The following MYO7A variants were observed in gnomAD, a reference collection of about 807,000 sequenced individuals.
MYO7A encodes myosin VIIA.
In MYO7A, 210 loss-of-function variants were observed where a neutral mutation model predicts 263.8. That is an observed-to-expected ratio of 0.80 (90% CI 0.71 to 0.89). MYO7A has a LOEUF of 0.89. Ranked by LOEUF, MYO7A falls within the 40% of genes least tolerant of loss-of-function variation. The probability of loss-of-function intolerance (pLI) is 0.00; values close to 1 mark genes in which losing one functional copy is unlikely to be tolerated. For synonymous variants in MYO7A, 1,239 were observed against 1,197.3 expected (o/e 1.03, Z -0.72); for missense variants, 2,820 against 2,968.3 (o/e 0.95, Z 1.16).
chr11:77,148,578 C>G (rs1402320369), intron 4 of MYO7A, among the ~76,000 whole-genome samples: 11 of 152,154 alleles, frequency 7.2e-5, no homozygotes, highest in Middle Eastern at 3.2e-3. Context: ...CCGTGGAGAT[C>G]ATTTACTCTA....
At chr11:77,159,298 G>A (rs1320657986) in intron 9 of MYO7A, 149 bp from the exon 10 acceptor site, 1 of 668,966 alleles carries the variant, frequency 1.5e-6, no homozygotes, top group Non-Finnish European at 2.6e-6. Flanking sequence ...ACCTTGACCT[G>A]GGGAAGCATT....
chr11:77,130,566 T>G, intron 1 of MYO7A, 23 bp from the exon 2 acceptor site: 1 of 1,589,192 alleles, frequency 6.3e-7, no homozygotes, highest in Non-Finnish European at 8.6e-7. Context: ...CCCAGAAGCA[T>G]GACATGGTCT....
Position 77,201,622 on chromosome 11 carries a change from C to T in MYO7A, c.5027C>T (p.Pro1676Leu). The change falls in exon 36 of 49, where the codon CCA becomes CTA. Residue 1676 changes from proline to leucine, a missense_variant. Physicochemically the swap from Pro to Leu is moderately conservative, Grantham distance 98. Coordinates refer to ENST00000409709, the MANE Select transcript of MYO7A (RefSeq NM_000260.4). ...SVYVMPTVTMPPREIVALVTM... is the reference protein window; with the variant it reads ...SVYVMPTVTMLPREIVALVTM... Reference sequence around the variant, plus strand: ...TACGTCATGCCCACTGTCACCATGCCACCGCGGGAGATTGTGGTATGTGGC... The same window carrying T: ...TACGTCATGCCCACTGTCACCATGCTACCGCGGGAGATTGTGGTATGTGGC... 6.2e-7 allele frequency: 1 copy of T among 1,613,496 alleles called. No homozygotes were observed. The highest frequency in any genetic ancestry group is 8.5e-7 in the Non-Finnish European group (1 of 1,179,580).
intron 16 of MYO7A, among the ~76,000 whole-genome samples, chr11:77,173,176 A>G (rs1954291378): frequency 6.6e-6 from 1 of 152,202 alleles, no homozygotes; most frequent in Non-Finnish European, 1.5e-5. Flanking sequence ...CAGTTTCCTC[A>G]TAGATGGAAA....
chr11:77,197,451 T>TTCTGTCCC, intron 32 of MYO7A, 30 bp from the exon 33 acceptor site: 5 of 1,505,290 alleles, frequency 3.3e-6, no homozygotes, highest in African/African-American at 1.4e-5. Flanking sequence ...GTATGTTGTC[T>TTCTGTCCC]TCTGTCCCTC....
rs377072368 is a variant in MYO7A at position 77,181,416 on chromosome 11, C to T, written c.2731C>T (p.Arg911Trp). The T allele has an allele frequency of 1.1e-5, 17 of 1,586,912 alleles. No homozygotes were observed. The highest frequency in any genetic ancestry group is 6.9e-5 in the East Asian group (3 of 43,654). Residue 911 changes from arginine (R) to tryptophan (W), a missense_variant, in exon 23 of 49, where the codon CGG becomes TGG. Transcript: ENST00000409709. ...LAQLAREDAE[R>W]ELKEKEAARR... ...CCAGCTGGCTCGTGAGGACGCTGAG[C>T]GGGAGCTGAAGGAGAAGGAGGCCGC...
At chr11:77,205,189 G>A (rs553777685) in intron 39 of MYO7A, among the ~76,000 whole-genome samples, 5 of 152,356 alleles carry the variant, frequency 3.3e-5, no homozygotes, top group East Asian at 3.9e-4. Context: ...TTTTCATTGT[G>A]GCATAAGCCC....
chr11:77,159,413 C>G (rs1952781649), intron 9 of MYO7A, 34 bp from the exon 10 acceptor site: 1 of 1,312,826 alleles, frequency 7.6e-7, no homozygotes, highest in Non-Finnish European at 1.1e-6. Flanking sequence ...GCCCACCCTC[C>G]CTCCCCTGAT....
intron 44 of MYO7A, 170 bp downstream of exon 44, chr11:77,208,973 T>A: frequency 1.6e-6 from 1 of 610,646 alleles, no homozygotes; most frequent in East Asian, 2.8e-5. Context: ...CAACCCCTGA[T>A]CCTTGTATCT....
chr11:77,176,189 C>T (rs975485444), intron 18 of MYO7A, among the ~76,000 whole-genome samples: 5 of 152,238 alleles, frequency 3.3e-5, no homozygotes, highest in African/African-American at 7.2e-5. Flanking sequence ...GCAGGAGGGA[C>T]AAGAACCAGC....
rs146266316 is a variant in MYO7A at position 77,190,220 on chromosome 11, C to T, written c.3750+81C>T. On this transcript the variant is annotated intron_variant, in intron 29 of 48. Coordinates refer to ENST00000409709, the MANE Select transcript of MYO7A (RefSeq NM_000260.4). ...CGTGTGTGTGTGTGTCCAGTGCACT[C>T]GAGTGCCCCAGAAACATTCCCTGCT... The T allele has an allele frequency of 2.2e-4, 283 of 1,313,016 alleles. No homozygotes were observed. The African/African-American group carries it at 3.7e-3, about 17-fold the overall frequency. 81.3% of individuals were successfully genotyped at this position (1,313,016 alleles called of 1,614,324 possible). A position where few individuals can be genotyped will look rare whatever the true frequency, so the allele number is the denominator to read the frequency against.
Position 77,172,804 on chromosome 11 carries a change from G to A in MYO7A, c.1854G>A (p.Leu618=), listed in dbSNP as rs35429535. 6,011 of 1,556,814 alleles carry A rather than the reference G, an allele frequency of 3.9e-3. 18 individuals are homozygous for A. The highest frequency in any genetic ancestry group is 4.9e-3 in the Non-Finnish European group (5,644 of 1,150,368). The change falls in exon 16 of 49, where the codon CTG becomes CTA. Residue 618 remains leucine, a synonymous_variant. Coordinates refer to ENST00000409709, the MANE Select transcript of MYO7A (RefSeq NM_000260.4). ...PTLSSQFKRS[L]ELLMRTLGAC... ...TTAGCAGCCAGTTCAAGCGGTCACT[G>A]GAGCTGCTGATGCGCACGCTGGGTG... is the stretch of plus-strand genomic sequence containing the variant.
At chr11:77,213,408 G>T (rs1957992092) in intron 47 of MYO7A, among the ~76,000 whole-genome samples, 1 of 152,336 alleles carries the variant, frequency 6.6e-6, no homozygotes. Flanking sequence ...CTGGACAGGT[G>T]GTGAAGAGGG....
Position 77,199,805 on chromosome 11 carries a change from T to C in MYO7A, c.4839T>C (p.Asp1613=), listed in dbSNP as rs2135681893. Residue 1613 remains aspartate (D), a synonymous_variant, in exon 35 of 49, where the codon GAT becomes GAC. Coordinates refer to ENST00000409709, the MANE Select transcript of MYO7A (RefSeq NM_000260.4). ...KRSKYVVALQ[D]NPNPAGEESG... is the part of the protein sequence containing the mutation. ...CTAAGTATGTTGTGGCCCTGCAGGATAACCCCAACCCCGGTGAGTGGCTGC... is the reference window on the plus strand; with the variant it reads ...CTAAGTATGTTGTGGCCCTGCAGGACAACCCCAACCCCGGTGAGTGGCTGC... The C allele has an allele frequency of 6.3e-7, 1 of 1,595,350 alleles. No homozygotes were observed. The highest frequency in any genetic ancestry group is 8.6e-7 in the Non-Finnish European group (1 of 1,166,066).
chr11:77,205,176 G>GCCAT (rs1957358285), intron 39 of MYO7A, among the ~76,000 whole-genome samples: 1 of 152,236 alleles, frequency 6.6e-6, no homozygotes, highest in African/African-American at 2.4e-5. Flanking sequence ...GTAACCCGGT[G>GCCAT]GCTTTTCATT....
At chr11:77,137,462 G>C (rs868927363) in intron 2 of MYO7A, among the ~76,000 whole-genome samples, 7 of 152,184 alleles carry the variant, frequency 4.6e-5, no homozygotes, top group African/African-American at 1.7e-4. Flanking sequence ...GAAAAGAGAA[G>C]AGGAAGAAAA....
chr11:77,176,209 G>A (rs1240223979), intron 18 of MYO7A, among the ~76,000 whole-genome samples: 1 of 152,226 alleles, frequency 6.6e-6, no homozygotes, highest in Non-Finnish European at 1.5e-5. Flanking sequence ...CTCCGAACTG[G>A]AGGGAGCCTG....
At chr11:77,172,630 GCCCTGTCCCTCAAA>G in intron 15 of MYO7A, 104 bp from the exon 16 acceptor site, 1 of 1,334,474 alleles carries the variant, frequency 7.5e-7, no homozygotes, top group Non-Finnish European at 1.0e-6. Flanking sequence ...TTCAAATACC[GCCCTGTCCCTCAAA>G]CCCTGACCCC....
At chr11:77,137,179 AG>A (rs1465615395) in intron 2 of MYO7A, among the ~76,000 whole-genome samples, 2 of 152,082 alleles carry the variant, frequency 1.3e-5, no homozygotes, top group Non-Finnish European at 2.9e-5. Flanking sequence ...TGTCCCTGAG[AG>A]GTCACAGGAA....
Sources: allele counts gnomAD v4.1 joint callset (sites outside exome capture counted in the v4.1 genomes callset), GRCh38; gene constraint gnomAD v4.1.1; transcripts MANE v1.5; gene names NCBI Gene and HGNC (gene_info 2026-07-23, HGNC 2026-07-21).